The following GNG2 variants were observed in gnomAD, a reference collection of about 807,000 sequenced individuals.
GNG2 encodes the protein G protein subunit gamma 2, also known as guanine nucleotide-binding protein G(I)/G(S)/G(O) subunit gamma-2.
In GNG2, 5 loss-of-function variants were observed where a neutral mutation model predicts 5.5. The ratio of observed to expected loss-of-function variants is 0.91; its 90% CI spans 0.48 to 1.92. The LOEUF is 1.92. Ranked by LOEUF, GNG2 falls within the 30% of genes most tolerant of loss-of-function variation. The probability of loss-of-function intolerance (pLI) is 0.01; values close to 1 mark genes in which losing one functional copy is unlikely to be tolerated. For missense variants in GNG2, 55 were observed against 88.4 expected (o/e 0.62, Z 1.52); for synonymous variants, 28 against 32.0 (o/e 0.88, Z 0.42).
chr14:51,875,514 T>G (rs958888839), intron 1 of GNG2, among the ~76,000 whole-genome samples: 1 of 152,202 alleles, frequency 6.6e-6, no homozygotes, highest in Non-Finnish European at 1.5e-5. Context: ...TTTCTGCCAC[T>G]TTTGTTATTC....
At chr14:51,899,085 T>C (rs1885384159) in intron 2 of GNG2, among the ~76,000 whole-genome samples, 1 of 152,222 alleles carries the variant, frequency 6.6e-6, no homozygotes, top group Non-Finnish European at 1.5e-5. Context: ...ACCTATGTCC[T>C]GGTGTATGAT....
intron 2 of GNG2, among the ~76,000 whole-genome samples, chr14:51,846,333 C>T (rs1048566648): frequency 3.3e-5 from 5 of 152,002 alleles, no homozygotes; most frequent in Non-Finnish European, 5.9e-5. Context: ...ATGGATAATA[C>T]CTAGGTTATG....
At chr14:51,938,706 C>T (rs1231327947) in intron 2 of GNG2, among the ~76,000 whole-genome samples, 1 of 152,166 alleles carries the variant, frequency 6.6e-6, no homozygotes, top group Non-Finnish European at 1.5e-5. Flanking sequence ...GAATTTCACA[C>T]AAGGGGGTGG....
intron 2 of GNG2, among the ~76,000 whole-genome samples, chr14:51,923,791 A>T (rs1357196188): frequency 1.3e-5 from 2 of 152,214 alleles, no homozygotes; most frequent in African/African-American, 4.8e-5. Context: ...TTAAGATACA[A>T]ATGGAATACA....
intron 2 of GNG2, among the ~76,000 whole-genome samples, chr14:51,938,200 C>A (rs1888123062): frequency 1.3e-5 from 2 of 152,290 alleles, no homozygotes; most frequent in South Asian, 4.1e-4. Flanking sequence ...GATTCACCAA[C>A]CCTCCCTCAA....
At chr14:51,893,731 C>A (rs966244062) in intron 2 of GNG2, among the ~76,000 whole-genome samples, 4 of 151,960 alleles carry the variant, frequency 2.6e-5, no homozygotes, top group Non-Finnish European at 1.5e-5. Context: ...AAAAACATTT[C>A]TCCATGTTAT....
intron 3 of GNG2, among the ~76,000 whole-genome samples, chr14:51,954,411 C>T (rs147919210): frequency 7.4e-4 from 112 of 152,152 alleles, no homozygotes; most frequent in African/African-American, 2.7e-3. Context: ...TGACCAAAGA[C>T]AAAATGAAAG....
intron 2 of GNG2, among the ~76,000 whole-genome samples, chr14:51,904,070 A>G (rs986118918): frequency 3.3e-5 from 5 of 152,192 alleles, no homozygotes; most frequent in Admixed American, 6.5e-5. Flanking sequence ...GGATGGGTAG[A>G]CAGAATAACA....
upstream of GNG2, among the ~76,000 whole-genome samples, chr14:51,859,962 G>A (rs115436956): frequency 6.5e-3 from 992 of 152,216 alleles, 14 homozygotes; most frequent in African/African-American, 0.023. Context: ...TTTAGTTCCC[G>A]TGCCCCATAA....
At chr14:51,930,271 C>T (rs1024273164) in intron 2 of GNG2, among the ~76,000 whole-genome samples, 4 of 152,234 alleles carry the variant, frequency 2.6e-5, no homozygotes, top group Non-Finnish European at 5.9e-5. Flanking sequence ...GGCCCATCCA[C>T]ATTTCTTGGT....
chr14:51,928,564 G>T (rs979303469), intron 2 of GNG2, among the ~76,000 whole-genome samples: 8 of 152,062 alleles, frequency 5.3e-5, no homozygotes, highest in African/African-American at 1.7e-4. Flanking sequence ...AAGGATAGAG[G>T]GATCAAGGAA....
At chr14:51,923,362 A>G (rs1887127852) in intron 2 of GNG2, among the ~76,000 whole-genome samples, 1 of 152,168 alleles carries the variant, frequency 6.6e-6, no homozygotes, top group African/African-American at 2.4e-5. Context: ...AGAGGTTAAG[A>G]GAGGGTTGGT....
In GNG2 at chr14:51,847,875, C is replaced by CTTTTTT. The variant is rs1555348001; in HGVS notation, c.64+20073_64+20074insTTTTTT. 4.5e-5 allele frequency among the ~76,000 whole-genome samples: 3 copies of CTTTTTT among 66,148 alleles called. 1 individual carries two copies. Among genetic ancestry groups the CTTTTTT allele is most frequent in the Non-Finnish European group, 9.5e-5 (3 of 31,510 alleles). 43.4% of individuals were successfully genotyped at this position (66,148 alleles called of 152,430 possible). A position where few individuals can be genotyped will look rare whatever the true frequency, so the allele number is the denominator to read the frequency against. On this transcript the variant is annotated intron_variant, in intron 2 of 3. Coordinates refer to the GNG2 transcript ENST00000553432. ...GGATGTTACTCTATGAATACAGGTC[C>CTTTTTT]TTTTTCTTTTTTTTTTTTTTTTTTT...
intron 2 of GNG2, among the ~76,000 whole-genome samples, chr14:51,889,269 C>T (rs7153274): frequency 0.15 from 23,022 of 151,842 alleles, 2,713 homozygotes; most frequent in African/African-American, 0.32. Context: ...TGTGCCACCA[C>T]GCCCGGCTAA....
At chr14:51,849,157 A>C (rs1395980248) in intron 2 of GNG2, among the ~76,000 whole-genome samples, 1 of 152,152 alleles carries the variant, frequency 6.6e-6, no homozygotes, top group East Asian at 1.9e-4. Context: ...TCCATTTCCA[A>C]GGTGGCTCGC....
chr14:51,891,329 T>C (rs1884841586), intron 2 of GNG2, among the ~76,000 whole-genome samples: 1 of 152,220 alleles, frequency 6.6e-6, no homozygotes, highest in Non-Finnish European at 1.5e-5. Flanking sequence ...ATTCTGGTCT[T>C]TCGTAGCTTC....
At chr14:51,901,810 T>C (rs2140181422) in intron 2 of GNG2, among the ~76,000 whole-genome samples, 1 of 152,166 alleles carries the variant, frequency 6.6e-6, no homozygotes, top group East Asian at 1.9e-4. Flanking sequence ...CATCCAGGTA[T>C]ATAATAACCC....
chr14:51,894,642 T>C (rs1364488600), intron 2 of GNG2, among the ~76,000 whole-genome samples: 1 of 151,376 alleles, frequency 6.6e-6, no homozygotes, highest in Admixed American at 6.7e-5. Context: ...ATTATTTACA[T>C]TTCAGTTTTT....
At chr14:51,912,814 G>A (rs151216310) in intron 2 of GNG2, among the ~76,000 whole-genome samples, 20 of 132,190 alleles carry the variant, frequency 1.5e-4, no homozygotes, top group African/African-American at 4.5e-4. Context: ...ATGCTGCAAC[G>A]TGTATTTCAG....
Sources: allele counts gnomAD v4.1 joint callset (sites outside exome capture counted in the v4.1 genomes callset), GRCh38; gene constraint gnomAD v4.1.1; transcripts MANE v1.5; gene names NCBI Gene and HGNC (gene_info 2026-07-23, HGNC 2026-07-21).